The following ANO10 variants were observed in gnomAD, a reference collection of about 807,000 sequenced individuals.
The protein encoded by ANO10 is anoctamin-10.
A neutral mutation model predicts 74.7 loss-of-function variants in ANO10; 77 were observed. The observed-to-expected ratio is 1.03, with a 90% CI of 0.86 to 1.25. The LOEUF is 1.25. Ranked by LOEUF, ANO10 falls within the 50% of genes most tolerant of loss-of-function variation. ANO10 has a pLI of 0.00. For synonymous variants in ANO10, 279 were observed against 284.9 expected, an observed-to-expected ratio of 0.98 and a Z score of 0.21; for missense variants, 721 against 778.1, an observed-to-expected ratio of 0.93 and a Z score of 0.87.
intron 11 of ANO10, among the ~76,000 whole-genome samples, chr3:43,452,495 G>A (rs966943504): frequency 6.6e-6 from 1 of 152,128 alleles, no homozygotes; most frequent in African/African-American, 2.4e-5. Context: ...CCATGTTGTG[G>A]CATGTATTAC....
chr3:43,575,708 G>T (rs1229256251), intron 6 of ANO10, among the ~76,000 whole-genome samples: 1 of 152,110 alleles, frequency 6.6e-6, no homozygotes, highest in African/African-American at 2.4e-5. Flanking sequence ...CACGATCTCG[G>T]CTCACTGCAA....
chr3:43,552,786 T>G (rs899915051), intron 10 of ANO10, among the ~76,000 whole-genome samples: 19 of 150,950 alleles, frequency 1.3e-4, no homozygotes, highest in Middle Eastern at 3.4e-3. Context: ...GTATTTTATA[T>G]ATATACACAC....
intron 1 of ANO10, among the ~76,000 whole-genome samples, chr3:43,655,150 A>G (rs541598100): frequency 6.6e-6 from 1 of 152,360 alleles, no homozygotes; most frequent in Non-Finnish European, 1.5e-5. Context: ...GATTCCAAGA[A>G]AAGCAAGGGC....
chr3:43,592,111 G>C (rs2081802950), intron 4 of ANO10, among the ~76,000 whole-genome samples: 1 of 152,242 alleles, frequency 6.6e-6, no homozygotes, highest in Non-Finnish European at 1.5e-5. Context: ...AGCTCGAACT[G>C]GGTGGAGCCG....
intron 11 of ANO10, among the ~76,000 whole-genome samples, chr3:43,476,048 T>G (rs1054725200): frequency 6.6e-6 from 1 of 152,254 alleles, no homozygotes. Flanking sequence ...TTATCTCATA[T>G]TTATTCTATG....
In ANO10 at chr3:43,691,014, G is replaced by A. The variant is rs376333756; in HGVS notation, c.-12+503C>T. On this transcript the variant is annotated intron_variant, in intron 1 of 3. Coordinates refer to the ANO10 transcript ENST00000413397. ...GGCTATGGCGGCGGAGGAGGAGGAG[G>A]TGGACTCTGCCGACACCGGAGAGAG... 3.8e-6 allele frequency: 6 copies of A among 1,568,290 alleles called. No homozygotes were observed. The highest frequency in any genetic ancestry group is 1.8e-5 in the Admixed American group (1 of 54,972).
intron 1 of ANO10, among the ~76,000 whole-genome samples, chr3:43,667,388 C>A (rs1260330768): frequency 6.6e-6 from 1 of 152,024 alleles, no homozygotes; most frequent in Non-Finnish European, 1.5e-5. Flanking sequence ...TGCACCCAGC[C>A]CAATCCATGT....
intron 1 of ANO10, among the ~76,000 whole-genome samples, chr3:43,611,966 T>A (rs2082839451): frequency 6.6e-6 from 1 of 151,524 alleles, no homozygotes; most frequent in Admixed American, 6.6e-5. Flanking sequence ...ACACTTCCAT[T>A]TAAATTCAAA....
chr3:43,523,530 T>C (rs2078052197), intron 11 of ANO10, among the ~76,000 whole-genome samples: 1 of 152,126 alleles, frequency 6.6e-6, no homozygotes, highest in African/African-American at 2.4e-5. Flanking sequence ...TAATGAGGGC[T>C]TACCCTAAGG....
chr3:43,639,636 C>G (rs953095199), intron 1 of ANO10, among the ~76,000 whole-genome samples: 1 of 151,950 alleles, frequency 6.6e-6, no homozygotes, highest in African/African-American at 2.4e-5. Flanking sequence ...GTGGTGCATG[C>G]CTGTAATCCC....
chr3:43,516,747 A>C (rs546657253), intron 11 of ANO10, among the ~76,000 whole-genome samples: 1 of 152,324 alleles, frequency 6.6e-6, no homozygotes, highest in South Asian at 2.1e-4. Flanking sequence ...GAGGCAGAAT[A>C]AGCAGGTGGG....
intron 11 of ANO10, among the ~76,000 whole-genome samples, chr3:43,450,299 G>C (rs916560630): frequency 2.0e-5 from 3 of 152,112 alleles, no homozygotes; most frequent in African/African-American, 7.2e-5. Flanking sequence ...TCAGCACTTT[G>C]GGAGGGCGAG....
chr3:43,523,934 T>C (rs186662135), intron 11 of ANO10, among the ~76,000 whole-genome samples: 3 of 151,444 alleles, frequency 2.0e-5, no homozygotes, highest in African/African-American at 7.3e-5. Flanking sequence ...ATGGAGTAGA[T>C]GAGCTCATCC....
chr3:43,383,073 G>C (rs2092013697), intron 12 of ANO10, among the ~76,000 whole-genome samples: 1 of 152,126 alleles, frequency 6.6e-6, no homozygotes, highest in African/African-American at 2.4e-5. Context: ...CATAAAAAAA[G>C]AAAACTACAG....
chr3:43,545,903 C>T (rs1353001989), intron 11 of ANO10, among the ~76,000 whole-genome samples: 1 of 152,034 alleles, frequency 6.6e-6, no homozygotes, highest in African/African-American at 2.4e-5. Context: ...TGGTAGCAAA[C>T]CAAAAATTTG....
intron 11 of ANO10, among the ~76,000 whole-genome samples, chr3:43,481,826 A>C (rs1449308694): frequency 6.6e-6 from 1 of 152,036 alleles, no homozygotes; most frequent in East Asian, 1.9e-4. Context: ...TCCAAATCAC[A>C]CTAAAATGAC....
chr3:43,410,000 AT>A (rs771759079), intron 12 of ANO10, among the ~76,000 whole-genome samples: 3 of 152,158 alleles, frequency 2.0e-5, no homozygotes, highest in Non-Finnish European at 4.4e-5. Context: ...TGAGTCCTTC[AT>A]TTGTGTTAAA....
intron 4 of ANO10, among the ~76,000 whole-genome samples, chr3:43,595,897 A>G (rs551847834): frequency 2.6e-5 from 4 of 152,218 alleles, no homozygotes; most frequent in African/African-American, 7.2e-5. Flanking sequence ...TTAAGCTGAT[A>G]AGCAACTTCA....
intron 12 of ANO10, among the ~76,000 whole-genome samples, chr3:43,394,586 G>A (rs146801011): frequency 1.0e-3 from 156 of 152,218 alleles, no homozygotes; most frequent in African/African-American, 2.0e-3. Context: ...CAGTGAAAAC[G>A]ACAACAACAA....
Sources: allele counts gnomAD v4.1 joint callset (sites outside exome capture counted in the v4.1 genomes callset), GRCh38; gene constraint gnomAD v4.1.1; transcripts MANE v1.5; gene names NCBI Gene and HGNC (gene_info 2026-07-23, HGNC 2026-07-21).